TBC1D23: variants seen among roughly 807,000 people sequenced by gnomAD.
The protein encoded by TBC1D23 is TBC1 domain family member 23, also known as HCV non-structural protein 4A-transactivated protein 1.
A neutral mutation model predicts 91.4 loss-of-function variants in TBC1D23; 55 were observed. That is an observed-to-expected ratio of 0.60 (90% CI 0.48 to 0.75). TBC1D23 has a LOEUF of 0.75. Among genes scored for constraint, TBC1D23 ranks in the 30% least tolerant of loss-of-function variants. TBC1D23 has a pLI of 0.00. For missense variants in TBC1D23, 725 were observed against 836.1 expected (o/e 0.87, Z 1.64); for synonymous variants, 289 against 281.0 (o/e 1.03, Z -0.28).
At chr3:100,316,935 T>A (rs1705758930) in intron 16 of TBC1D23, among the ~76,000 whole-genome samples, 1 of 151,966 alleles carries the variant, frequency 6.6e-6, no homozygotes, top group African/African-American at 2.4e-5. Flanking sequence ...GTACAAAAAT[T>A]AGCTGGGCAT....
intron 1 of TBC1D23, among the ~76,000 whole-genome samples, chr3:100,271,355 G>A (rs1040165786): frequency 2.6e-5 from 4 of 152,182 alleles, no homozygotes; most frequent in Non-Finnish European, 5.9e-5. Flanking sequence ...ACGTTTTTGT[G>A]GTGGACATTG....
chr3:100,261,121 C>T (rs1487135089), intron 1 of TBC1D23, 50 bp downstream of exon 1: 8 of 1,558,794 alleles, frequency 5.1e-6, no homozygotes, highest in Middle Eastern at 1.8e-4. Flanking sequence ...TCTTCCTTCT[C>T]ACCATCTTGC....
chr3:100,309,861 G>A (rs1026290860), intron 13 of TBC1D23, among the ~76,000 whole-genome samples: 10 of 149,844 alleles, frequency 6.7e-5, no homozygotes, highest in Non-Finnish European at 8.8e-5. Flanking sequence ...CACCTGCCTC[G>A]GCCTCCCAAA....
At chr3:100,280,144 C>T (rs949719521) in intron 2 of TBC1D23, among the ~76,000 whole-genome samples, 3 of 151,816 alleles carry the variant, frequency 2.0e-5, no homozygotes, top group Non-Finnish European at 2.9e-5. Context: ...GCAAGAGAAT[C>T]GCTTGAACCC....
chr3:100,272,594 A>G (rs536632818), intron 1 of TBC1D23, among the ~76,000 whole-genome samples: 1 of 152,270 alleles, frequency 6.6e-6, no homozygotes, highest in South Asian at 2.1e-4. Context: ...ATAGAGAAAA[A>G]AATAAGGGGA....
intron 17 of TBC1D23, among the ~76,000 whole-genome samples, chr3:100,319,941 A>G (rs918785763): frequency 9.9e-5 from 15 of 152,060 alleles, no homozygotes; most frequent in African/African-American, 3.6e-4. Context: ...CCACCTAAAA[A>G]TTTTTGTAAA....
intron 4 of TBC1D23, among the ~76,000 whole-genome samples, chr3:100,289,643 G>A (rs1045348497): frequency 6.6e-6 from 1 of 152,186 alleles, no homozygotes; most frequent in African/African-American, 2.4e-5. Context: ...GCTGTGACCC[G>A]TGGCAGAGGA....
rs112909897 is a variant in TBC1D23, at chr3:100,266,209, CTTATT to C, written c.53+5143_53+5147del. Among the ~76,000 whole-genome samples the C allele has an allele frequency of 8.6e-4, 131 of 151,962 alleles. 1 individual carries two copies. Among genetic ancestry groups the C allele is most frequent in the African/African-American group, 3.0e-3 (124 of 41,490 alleles). Reference sequence around the variant, plus strand: ...AGGCAAAGATAAGAAATGAAAAAGACTTATTTTATACTGTTTACATTAAAGTCTTT... The same window carrying C: ...AGGCAAAGATAAGAAATGAAAAAGACTTATACTGTTTACATTAAAGTCTTT... On this transcript the variant is annotated intron_variant, in intron 1 of 18. Coordinates refer to ENST00000394144, the MANE Select transcript of TBC1D23 (RefSeq NM_001199198.3).
chr3:100,301,550 T>A (rs1705430316), intron 10 of TBC1D23, among the ~76,000 whole-genome samples: 1 of 152,228 alleles, frequency 6.6e-6, no homozygotes, highest in South Asian at 2.1e-4. Context: ...TTTTTAAACA[T>A]CTTTGTAGTT....
At chr3:100,295,015 T>C in intron 5 of TBC1D23, 72 bp from the exon 6 acceptor site, 1 of 1,374,362 alleles carries the variant, frequency 7.3e-7, no homozygotes, top group Non-Finnish European at 9.8e-7. Flanking sequence ...TCTTATTCAT[T>C]TGCTTTAATA....
intron 3 of TBC1D23, among the ~76,000 whole-genome samples, chr3:100,283,204 C>G (rs1183088951): frequency 1.3e-5 from 2 of 152,134 alleles, no homozygotes; most frequent in Middle Eastern, 3.2e-3. Context: ...GAAACCCTGT[C>G]TCTACTAAAA....
At chr3:100,271,118 A>G (rs1344710188) in intron 1 of TBC1D23, among the ~76,000 whole-genome samples, 1 of 152,204 alleles carries the variant, frequency 6.6e-6, no homozygotes, top group Admixed American at 6.5e-5. Context: ...TTCTATTAAT[A>G]TCTTAAGTGT....
chr3:100,296,321 A>G, intron 8 of TBC1D23, 46 bp downstream of exon 8: 3 of 1,108,768 alleles, frequency 2.7e-6, no homozygotes, highest in Non-Finnish European at 4.0e-6. Flanking sequence ...CATATTTTGT[A>G]CATTGTTTTA....
At chr3:100,276,212 G>A (rs1459848085) in intron 1 of TBC1D23, among the ~76,000 whole-genome samples, 1 of 151,726 alleles carries the variant, frequency 6.6e-6, no homozygotes, top group Non-Finnish European at 1.5e-5. Flanking sequence ...TAAATTTTTA[G>A]AACATGGTTG....
At position 100,281,692 on chromosome 3, in the gene TBC1D23, G is replaced by A. The variant is rs200271034; in HGVS notation, c.166-50G>A. ...TTAATTATTACAGCATATTTTCCAAGAATGAGGAATAACATATGAAGCTAG... is the reference window on the plus strand; with the variant it reads ...TTAATTATTACAGCATATTTTCCAAAAATGAGGAATAACATATGAAGCTAG... On this transcript the variant is annotated intron_variant, in intron 2 of 18. Transcript: ENST00000394144. The A allele has an allele frequency of 1.3e-3, 1,493 of 1,182,438 alleles. 8 individuals carry two copies. Among genetic ancestry groups the A allele is most frequent in the Middle Eastern group, 2.3e-3 (12 of 5,208 alleles). The allele number at this position is 1,182,438 out of a possible 1,614,324, so 73.2% of individuals were successfully genotyped here. A position where few individuals can be genotyped will look rare whatever the true frequency, so the allele number is the denominator to read the frequency against.
chr3:100,321,586 T>A (rs561448041), intron 18 of TBC1D23, among the ~76,000 whole-genome samples: 2 of 152,334 alleles, frequency 1.3e-5, no homozygotes, highest in Admixed American at 6.5e-5. Flanking sequence ...GATTTGTGGT[T>A]TATTATACCT....
intron 1 of TBC1D23, chr3:100,261,666 AG>A (rs67237963): frequency 0.32 from 49,224 of 152,136 alleles, 8,977 homozygotes; most frequent in Non-Finnish European, 0.41. Flanking sequence ...TCGATTTCTG[AG>A]CTTTGGATGC....
chr3:100,267,482 T>C (rs1576155744), intron 1 of TBC1D23, among the ~76,000 whole-genome samples: 3 of 152,212 alleles, frequency 2.0e-5, no homozygotes, highest in African/African-American at 7.2e-5. Flanking sequence ...GACATAGCAT[T>C]TGATAGTTGG....
Position 100,320,840 on chromosome 3 carries a change from G to A in TBC1D23, c.1887G>A (p.Leu629=). The A allele has an allele frequency of 6.2e-7, 1 of 1,612,620 alleles. No individual in the cohort carries two copies. The highest frequency in any genetic ancestry group is 8.5e-7 in the Non-Finnish European group (1 of 1,179,428). The change falls in exon 18 of 19, where the codon TTG becomes TTA. Residue 629 remains leucine, a synonymous_variant. Coordinates refer to ENST00000394144, the MANE Select transcript of TBC1D23 (RefSeq NM_001199198.3). ...CLREIVSRKG[L]AYIQSRQALN... ...GGGAGATTGTTTCACGGAAAGGATT[G>A]GCTTATATACAGTCTCGACAAGCGC...
Sources: gnomAD v4.1 joint callset for allele counts (sites outside exome capture counted in the v4.1 genomes callset) on GRCh38, gnomAD v4.1.1 for gene constraint, MANE v1.5 for transcripts, NCBI Gene and HGNC (gene_info 2026-07-23, HGNC 2026-07-21) for gene names.